HS3ST5: variants seen among roughly 807,000 people sequenced by gnomAD.
HS3ST5 encodes the protein heparan sulfate-glucosamine 3-sulfotransferase 5.
Under a neutral mutation model 25.4 loss-of-function variants are expected in HS3ST5, and 10 were observed. That is an observed-to-expected ratio of 0.39 (90% CI 0.24 to 0.67). HS3ST5 has a LOEUF of 0.67. Among genes scored for constraint, HS3ST5 ranks in the 30% least tolerant of loss-of-function variants. The pLI is 0.44. For synonymous variants in HS3ST5, 170 were observed against 162.4 expected, an observed-to-expected ratio of 1.05 and a Z score of -0.36; for missense variants, 324 against 420.7, an observed-to-expected ratio of 0.77 and a Z score of 2.01.
intron 2 of HS3ST5, among the ~76,000 whole-genome samples, chr6:114,192,930 T>C (rs1467740132): frequency 2.0e-5 from 3 of 152,344 alleles, no homozygotes; most frequent in Admixed American, 6.5e-5. Context: ...ATGCATTTCA[T>C]AGAAGGTTAT....
Position 114,307,428 on chromosome 6 carries a change from GT to G in HS3ST5, c.-339+34766del, listed in dbSNP as rs200691305. 1.4e-4 allele frequency among the ~76,000 whole-genome samples: 20 copies of G among 147,390 alleles called. No individual in the cohort carries two copies. The East Asian group carries it at 2.4e-3, about 18-fold the overall frequency. ...TTTGTGAGAACTAGGATAAAACCTAGTTTTTTTTTTCTTTAATAAGAAATGT... is the reference window on the plus strand; with the variant it reads ...TTTGTGAGAACTAGGATAAAACCTAGTTTTTTTTTCTTTAATAAGAAATGT... On this transcript the variant is annotated intron_variant, in intron 1 of 4. Coordinates refer to ENST00000312719, the MANE Select transcript of HS3ST5 (RefSeq NM_153612.4).
intron 3 of HS3ST5, among the ~76,000 whole-genome samples, chr6:114,072,647 C>A (rs945410738): frequency 2.6e-5 from 4 of 152,088 alleles, no homozygotes; most frequent in Non-Finnish European, 4.4e-5. Flanking sequence ...TCAGTCAATT[C>A]ATGGTGGTAG....
At chr6:114,064,077 G>A (rs540033270) in intron 3 of HS3ST5, among the ~76,000 whole-genome samples, 2 of 142,700 alleles carry the variant, frequency 1.4e-5, no homozygotes, top group South Asian at 4.2e-4. Flanking sequence ...CCTCTTTCAA[G>A]ATAAGATTGT....
At chr6:114,324,031 T>G (rs975721003) in intron 1 of HS3ST5, among the ~76,000 whole-genome samples, 2 of 152,136 alleles carry the variant, frequency 1.3e-5, no homozygotes, top group African/African-American at 4.8e-5. Context: ...CTGTCCTTTC[T>G]TAGATTCTGA....
intron 2 of HS3ST5, among the ~76,000 whole-genome samples, chr6:114,200,637 C>T (rs1780971130): frequency 6.6e-6 from 1 of 152,048 alleles, no homozygotes; most frequent in East Asian, 1.9e-4. Flanking sequence ...AACCCCCAAA[C>T]ACATGCCTTT....
At chr6:114,288,254 T>C (rs1774423190) in intron 1 of HS3ST5, among the ~76,000 whole-genome samples, 1 of 152,104 alleles carries the variant, frequency 6.6e-6, no homozygotes, top group Admixed American at 6.6e-5. Context: ...AAATACACTC[T>C]TTAGGAGAGA....
rs597233 is a variant in HS3ST5 at position 114,101,118 on chromosome 6, C to A, written c.-32-38241G>T. Reference sequence around the variant, plus strand: ...AGGCTGGCAATCTGTGCAGTATTGGCAGTCTCGATTAAATGTAATATCTGG... The same window carrying A: ...AGGCTGGCAATCTGTGCAGTATTGGAAGTCTCGATTAAATGTAATATCTGG... On this transcript the variant is annotated intron_variant, in intron 3 of 4. Transcript: ENST00000312719. 4.1e-3 allele frequency among the ~76,000 whole-genome samples: 620 copies of A among 152,236 alleles called. 6 individuals carry two copies. The highest frequency in any genetic ancestry group is 0.014 in the African/African-American group (584 of 41,522).
chr6:114,266,035 A>G (rs1773390274), intron 1 of HS3ST5, among the ~76,000 whole-genome samples: 1 of 152,176 alleles, frequency 6.6e-6, no homozygotes, highest in African/African-American at 2.4e-5. Flanking sequence ...AGACAGTTTC[A>G]CCCAAATATC....
rs952237639 is a variant in HS3ST5 at position 114,062,754 on chromosome 6, A to G, written c.92T>C (p.Val31Ala). 1 of 1,613,448 alleles carries G rather than the reference A, an allele frequency of 6.2e-7. No individual in the cohort carries two copies. The highest frequency in any genetic ancestry group is 1.7e-5 in the Admixed American group (1 of 60,000). The stretch of plus-strand genomic sequence containing the variant: ...AAGCACCCACCTATCCAAGCTCCCA[A>G]CTCTGGCGACTAGATACAGGAGACT... Reference protein sequence around the residue: ...VGSLLYLVARVGSLDRLQPIC... With the variant: ...VGSLLYLVARAGSLDRLQPIC... The change falls in exon 4 of 5, where the codon GTT (valine) becomes GCT (alanine). Residue 31 changes from valine to alanine, a missense_variant. Val to Ala is a moderately conservative substitution (Grantham distance 64, BLOSUM62 0). This residue lies in a region of HS3ST5 where 121 missense variants were observed against 117.3 expected (regional missense o/e 1.03). Transcript: ENST00000312719.
chr6:114,323,206 T>G (rs1472743276), intron 1 of HS3ST5, among the ~76,000 whole-genome samples: 1 of 152,146 alleles, frequency 6.6e-6, no homozygotes, highest in Non-Finnish European at 1.5e-5. Flanking sequence ...GAAGGGAGAC[T>G]CTTTTACCTA....
intron 3 of HS3ST5, among the ~76,000 whole-genome samples, chr6:114,138,814 C>A (rs1161287070): frequency 6.6e-6 from 1 of 152,140 alleles, no homozygotes; most frequent in Non-Finnish European, 1.5e-5. Context: ...AGCTTATAAA[C>A]AACAGAAATG....
At chr6:114,275,881 G>A (rs1227452412) in intron 1 of HS3ST5, among the ~76,000 whole-genome samples, 1 of 151,990 alleles carries the variant, frequency 6.6e-6, no homozygotes, top group Non-Finnish European at 1.5e-5. Context: ...TTGGCCCACA[G>A]GCTATATAGT....
chr6:114,289,215 A>T (rs1774466005), intron 1 of HS3ST5, among the ~76,000 whole-genome samples: 1 of 152,130 alleles, frequency 6.6e-6, no homozygotes, highest in South Asian at 2.1e-4. Flanking sequence ...CCAAAAATAC[A>T]CCCACTAAAG....
chr6:114,200,628 A>G (rs1780970795), intron 2 of HS3ST5, among the ~76,000 whole-genome samples: 2 of 152,030 alleles, frequency 1.3e-5, no homozygotes, highest in South Asian at 4.1e-4. Context: ...CCAGCCCCCA[A>G]CCCCCAAACA....
At chr6:114,251,628 C>T (rs186577339) in intron 1 of HS3ST5, 6 of 152,142 alleles carry the variant, frequency 3.9e-5, no homozygotes, top group Non-Finnish European at 8.8e-5. Context: ...CCAGGCCACA[C>T]CAATTGGTTC....
At position 114,152,366 on chromosome 6, in the gene HS3ST5, C is replaced by CA. The variant is rs559470503; in HGVS notation, c.-33+15984_-33+15985insT. Among the ~76,000 whole-genome samples, 963 of 152,274 alleles carry CA rather than the reference C, an allele frequency of 6.3e-3. 5 individuals are homozygous for CA. The highest frequency in any genetic ancestry group is 0.014 in the Middle Eastern group (4 of 294). ...GTACACATCTATGCTGCACATACCA[C>CA]TCTGATAATCCATTAACTGTTAACA... On this transcript the variant is annotated intron_variant, in intron 3 of 4. Transcript: ENST00000312719.
intron 1 of HS3ST5, among the ~76,000 whole-genome samples, chr6:114,242,725 C>A (rs1026390611): frequency 6.6e-6 from 1 of 151,870 alleles, no homozygotes; most frequent in Non-Finnish European, 1.5e-5. Flanking sequence ...CGGTGGCGGG[C>A]GCCTGTAGTC....
intron 3 of HS3ST5, among the ~76,000 whole-genome samples, chr6:114,064,456 G>A (rs977106917): frequency 1.3e-5 from 2 of 152,150 alleles, no homozygotes; most frequent in African/African-American, 4.8e-5. Flanking sequence ...TAAGGAAAAG[G>A]TCAGAGAATG....
intron 1 of HS3ST5, among the ~76,000 whole-genome samples, chr6:114,268,157 C>T (rs1773488193): frequency 6.6e-6 from 1 of 152,166 alleles, no homozygotes; most frequent in Non-Finnish European, 1.5e-5. Context: ...ACTCATACTA[C>T]ACCCCAAGTT....
Sources: gnomAD v4.1 joint callset for allele counts (sites outside exome capture counted in the v4.1 genomes callset) on GRCh38, gnomAD v4.1.1 for gene constraint, gnomAD v4.1.1 regional missense constraint, MANE v1.5 for transcripts, NCBI Gene and HGNC (gene_info 2026-07-23, HGNC 2026-07-21) for gene names.